Variants in LRP1B observed in about 807,000 individuals in gnomAD.
LRP1B encodes the protein LDL receptor related protein 1B, also known as low-density lipoprotein receptor-related protein 1B.
In LRP1B, 217 loss-of-function variants were observed where a neutral mutation model predicts 556.6. The observed-to-expected ratio is 0.39, with a 90% CI of 0.35 to 0.44. The LOEUF (loss-of-function observed/expected upper bound fraction) is 0.44, where lower values mean the gene tolerates loss of function less well. Ranked by LOEUF, LRP1B falls within the 20% of genes least tolerant of loss-of-function variation. The pLI, the probability that LRP1B is intolerant of heterozygous loss-of-function variation, is 1.00. For missense variants in LRP1B, 5,053 were observed against 5,620.8 expected (o/e 0.90, Z 3.23); for synonymous variants, 2,047 against 1,865.8 (o/e 1.10, Z -2.50).
intron 29 of LRP1B, among the ~76,000 whole-genome samples, chr2:140,847,528 G>T (rs1242688743): frequency 2.6e-5 from 4 of 152,054 alleles, no homozygotes; most frequent in Admixed American, 1.3e-4. Flanking sequence ...CAGCACTTTG[G>T]GAGACAGAGG....
chr2:141,969,112 G>GT lies in LRP1B; in HGVS notation c.83-158712dup, dbSNP rs796778831. The stretch of plus-strand genomic sequence containing the variant: ...TCCTAAACATATTCTAGTTGTTTCT[G>GT]TTTTTTTTTTTTAAAGCTATACATT... On this transcript the variant is annotated intron_variant, in intron 1 of 90. Transcript: ENST00000389484. Among the ~76,000 whole-genome samples, 812 of 137,984 alleles carry GT rather than the reference G, an allele frequency of 5.9e-3. 9 individuals are homozygous for GT. Among genetic ancestry groups the GT allele is most frequent in the Admixed American group, 0.022 (308 of 13,760 alleles). The allele number at this position is 137,984 out of a possible 152,430, so 90.5% of individuals were successfully genotyped here.
At chr2:141,642,839 G>T (rs544903816) in intron 2 of LRP1B, among the ~76,000 whole-genome samples, 1 of 152,204 alleles carries the variant, frequency 6.6e-6, no homozygotes, top group Admixed American at 6.6e-5. Flanking sequence ...AAAATGACAA[G>T]GTCCATTTTG....
chr2:140,553,043 C>T (rs1680602382), intron 43 of LRP1B, among the ~76,000 whole-genome samples: 1 of 152,020 alleles, frequency 6.6e-6, no homozygotes. Context: ...CACCCAGATG[C>T]TAAATGTTAA....
chr2:141,337,574 T>G (rs1032248274), intron 3 of LRP1B, among the ~76,000 whole-genome samples: 1 of 152,202 alleles, frequency 6.6e-6, no homozygotes, highest in African/African-American at 2.4e-5. Context: ...TTTGGCAAAA[T>G]TCAATGTATT....
intron 7 of LRP1B, among the ~76,000 whole-genome samples, chr2:141,172,730 C>A (rs571125553): frequency 6.6e-6 from 1 of 151,864 alleles, no homozygotes; most frequent in South Asian, 2.1e-4. Flanking sequence ...ATATATAAGT[C>A]TGTGGAAAAA....
At chr2:141,827,755 A>T (rs1696985817) in intron 1 of LRP1B, among the ~76,000 whole-genome samples, 1 of 152,190 alleles carries the variant, frequency 6.6e-6, no homozygotes, top group South Asian at 2.1e-4. Context: ...TATCCTAAAG[A>T]TAGAATTCAT....
chr2:141,662,072 G>T (rs536175357), intron 2 of LRP1B, among the ~76,000 whole-genome samples: 3 of 152,192 alleles, frequency 2.0e-5, no homozygotes, highest in African/African-American at 7.2e-5. Context: ...ATTCATATCT[G>T]GCCAAACTAA....
chr2:141,075,374 G>A (rs905983045), intron 7 of LRP1B, among the ~76,000 whole-genome samples: 6 of 152,090 alleles, frequency 3.9e-5, no homozygotes, highest in African/African-American at 1.4e-4. Context: ...TTAACTTAGT[G>A]TTCTTTCATA....
chr2:142,080,115 C>T (rs994402186), intron 1 of LRP1B, among the ~76,000 whole-genome samples: 2 of 151,506 alleles, frequency 1.3e-5, no homozygotes, highest in African/African-American at 4.8e-5. Flanking sequence ...AAAAACCCCA[C>T]AAAGAACATC....
At chr2:140,511,566 G>T (rs1394079523) in intron 51 of LRP1B, among the ~76,000 whole-genome samples, 2 of 152,122 alleles carry the variant, frequency 1.3e-5, no homozygotes, top group African/African-American at 4.8e-5. Flanking sequence ...CTCCCAAAGT[G>T]CTGGGGTTAC....
intron 66 of LRP1B, among the ~76,000 whole-genome samples, chr2:140,426,698 C>T (rs368375690): frequency 2.0e-5 from 3 of 152,170 alleles, no homozygotes; most frequent in Non-Finnish European, 2.9e-5. Context: ...TATCTTCCTT[C>T]GCTGACTCTT....
chr2:142,050,401 A>G (rs1338613793), intron 1 of LRP1B, among the ~76,000 whole-genome samples: 1 of 152,134 alleles, frequency 6.6e-6, no homozygotes, highest in Non-Finnish European at 1.5e-5. Context: ...GTTACTGAAA[A>G]CAATAGGAAA....
At chr2:141,762,553 G>A (rs1437052092) in intron 2 of LRP1B, among the ~76,000 whole-genome samples, 1 of 151,892 alleles carries the variant, frequency 6.6e-6, no homozygotes, top group Non-Finnish European at 1.5e-5. Flanking sequence ...TATAGAAATT[G>A]TATATTTTTT....
intron 66 of LRP1B, among the ~76,000 whole-genome samples, chr2:140,405,672 G>T (rs1406985864): frequency 6.6e-6 from 1 of 152,042 alleles, no homozygotes; most frequent in African/African-American, 2.4e-5. Context: ...ACCCTGAACA[G>T]ACCAATAACA....
At chr2:141,753,492 T>C (rs571578985) in intron 2 of LRP1B, among the ~76,000 whole-genome samples, 15 of 151,988 alleles carry the variant, frequency 9.9e-5, no homozygotes, top group African/African-American at 3.1e-4. Flanking sequence ...TAGACTTGGC[T>C]GGCCATTGCT....
chr2:141,708,654 G>A (rs1692239532), intron 2 of LRP1B, among the ~76,000 whole-genome samples: 1 of 149,592 alleles, frequency 6.7e-6, no homozygotes, highest in Non-Finnish European at 1.5e-5. Context: ...GTGATGAACT[G>A]AATTGTGTCT....
chr2:142,039,947 C>T (rs1428976670), intron 1 of LRP1B, among the ~76,000 whole-genome samples: 5 of 151,378 alleles, frequency 3.3e-5, no homozygotes, highest in African/African-American at 4.8e-5. Flanking sequence ...ATACACTGTT[C>T]AATAAGTCAT....
chr2:141,765,064 A>G (rs1694690161), intron 2 of LRP1B, among the ~76,000 whole-genome samples: 1 of 151,162 alleles, frequency 6.6e-6, no homozygotes, highest in Non-Finnish European at 1.5e-5. Context: ...GTCCTGCCTG[A>G]AAGAATGAGG....
At chr2:141,156,178 T>A (rs1352048232) in intron 7 of LRP1B, among the ~76,000 whole-genome samples, 1 of 152,178 alleles carries the variant, frequency 6.6e-6, no homozygotes, top group East Asian at 1.9e-4. Flanking sequence ...TCTCTCTCTC[T>A]ACCTAACTGC....
Sources: allele counts gnomAD v4.1 joint callset (sites outside exome capture counted in the v4.1 genomes callset), GRCh38; gene constraint gnomAD v4.1.1; transcripts MANE v1.5; gene names NCBI Gene and HGNC (gene_info 2026-07-23, HGNC 2026-07-21).